The following DOCK2 variants were observed in gnomAD, a reference collection of about 807,000 sequenced individuals.
DOCK2 encodes dedicator of cytokinesis 2, also known as dedicator of cytokinesis protein 2.
In DOCK2, 87 loss-of-function variants were observed where a neutral mutation model predicts 248.9. That is an observed-to-expected ratio of 0.35 (90% CI 0.29 to 0.42). The LOEUF is 0.42. DOCK2 is among the 10% of genes least tolerant of loss of function. The pLI is 1.00. For missense variants in DOCK2, 1,747 were observed against 2,300.2 expected, an observed-to-expected ratio of 0.76 and a Z score of 4.92; for synonymous variants, 805 against 821.6, an observed-to-expected ratio of 0.98 and a Z score of 0.35.
chr5:169,710,437 GCTGTATAATGC>G (rs1446285672), intron 15 of DOCK2, among the ~76,000 whole-genome samples: 1 of 152,216 alleles, frequency 6.6e-6, no homozygotes, highest in African/African-American at 2.4e-5. Context: ...CCTATCACAG[GCTGTATAATGC>G]CTGAAAGATG....
chr5:169,997,891 C>A, intron 30 of DOCK2: 1 of 455,634 alleles, frequency 2.2e-6, no homozygotes, highest in Admixed American at 2.4e-5. Context: ...AGAAGCTGAG[C>A]AACTTCAGGC....
In DOCK2 at chr5:170,052,673, A is replaced by C. The variant is rs185251507; in HGVS notation, c.4213+2276A>C. 2.4e-3 allele frequency among the ~76,000 whole-genome samples: 370 copies of C among 152,344 alleles called. 1 individual carries two copies. The highest frequency in any genetic ancestry group is 8.5e-3 in the African/African-American group (354 of 41,586). Reference sequence around the variant, plus strand: ...TTGAACCCCATGATCTGTCTGTTTCAAAAACTATGTTCTAGTACATCATCC... The same window carrying C: ...TTGAACCCCATGATCTGTCTGTTTCCAAAACTATGTTCTAGTACATCATCC... On this transcript the variant is annotated intron_variant, in intron 41 of 51. Coordinates refer to ENST00000520908, the MANE Select transcript of DOCK2 (RefSeq NM_004946.3).
rs543803784 is a variant in DOCK2 at position 169,945,116 on chromosome 5, TTCTTTC to T, written c.2800-37947_2800-37942del. ...TTAGGGAACCGACTGTGGTTTCATT[TTCTTTC>T]TCTTGGCCCCAGAAGAATCCTCTGA... On this transcript the variant is annotated intron_variant, in intron 27 of 51. Transcript: ENST00000520908. Among the ~76,000 whole-genome samples the T allele has an allele frequency of 1.6e-4, 25 of 152,346 alleles. 1 individual carries two copies. The South Asian group carries it at 4.8e-3, about 29-fold the overall frequency.
intron 27 of DOCK2, among the ~76,000 whole-genome samples, chr5:169,879,610 A>C (rs1158846630): frequency 3.3e-5 from 5 of 152,242 alleles, no homozygotes; most frequent in Non-Finnish European, 1.5e-5. Flanking sequence ...AACTTAATTT[A>C]GAATGTTTGC....
intron 49 of DOCK2, 36 bp from the exon 50 acceptor site, chr5:170,080,127 T>G: frequency 8.1e-7 from 1 of 1,239,738 alleles, no homozygotes; most frequent in Non-Finnish European, 1.1e-6. Flanking sequence ...CCTCTGTCTT[T>G]GTGTGTGTGT....
At chr5:169,642,867 G>A (rs1757224230) in intron 1 of DOCK2, among the ~76,000 whole-genome samples, 1 of 152,164 alleles carries the variant, frequency 6.6e-6, no homozygotes, top group Non-Finnish European at 1.5e-5. Context: ...CCTGAGATCA[G>A]CATCCTATTG....
At chr5:169,749,966 G>T (rs1045966668) in intron 23 of DOCK2, among the ~76,000 whole-genome samples, 1 of 152,238 alleles carries the variant, frequency 6.6e-6, no homozygotes, top group African/African-American at 2.4e-5. Flanking sequence ...TGAGCTTCTA[G>T]TGAGTAGCCA....
chr5:169,701,294 T>C (rs1007671489), intron 13 of DOCK2, among the ~76,000 whole-genome samples: 8 of 152,232 alleles, frequency 5.3e-5, no homozygotes, highest in African/African-American at 1.9e-4. Context: ...ATTTTGTCTT[T>C]TGACAATGGT....
In DOCK2 at chr5:170,050,238, A is replaced by C. The variant is rs751892041; in HGVS notation, c.4072-18A>C. The C allele has an allele frequency of 1.2e-6, 2 of 1,612,634 alleles. No individual in the cohort carries two copies. The highest frequency in any genetic ancestry group is 1.7e-6 in the Non-Finnish European group (2 of 1,179,184). On this transcript the variant is annotated intron_variant, in intron 40 of 51. Transcript: ENST00000520908. ...CACCTGGGTCCCCAAATCTCTAATGAGCATCCTTTCTCTGCAGAACAAAGT... is the reference window on the plus strand; with the variant it reads ...CACCTGGGTCCCCAAATCTCTAATGCGCATCCTTTCTCTGCAGAACAAAGT...
intron 48 of DOCK2, 53 bp downstream of exon 48, chr5:170,077,890 T>TC (rs1438294363): frequency 3.5e-6 from 5 of 1,418,654 alleles, no homozygotes; most frequent in African/African-American, 1.4e-5. Flanking sequence ...CCTGGCTCTA[T>TC]CCCCCCTCCT....
rs142632030 is a variant in DOCK2, at chr5:169,903,311, TAAAAAA to T, written c.2799+62472_2799+62477del. Among the ~76,000 whole-genome samples the T allele has an allele frequency of 1.5e-3, 166 of 111,056 alleles. 1 individual carries two copies. The highest frequency in any genetic ancestry group is 0.014 in the Middle Eastern group (3 of 218). The allele number at this position is 111,056 out of a possible 152,430, so 72.9% of individuals were successfully genotyped here. A position where few individuals can be genotyped will look rare whatever the true frequency, so the allele number is the denominator to read the frequency against. ...CTCTAAAAAACAACAACAACAACAA[TAAAAAA>T]AAAAAAAAAAAAGGAAAAGGAAAAA... On this transcript the variant is annotated intron_variant, in intron 27 of 51. Coordinates refer to ENST00000520908, the MANE Select transcript of DOCK2 (RefSeq NM_004946.3).
At chr5:169,818,407 A>G (rs1036198396) in intron 26 of DOCK2, among the ~76,000 whole-genome samples, 1 of 152,236 alleles carries the variant, frequency 6.6e-6, no homozygotes. Flanking sequence ...TCTAGTTGAA[A>G]GATGATGGAC....
chr5:169,875,265 C>T (rs1217719544), intron 27 of DOCK2: 2 of 456,632 alleles, frequency 4.4e-6, no homozygotes, highest in East Asian at 6.9e-5. Flanking sequence ...CTCCACCCCA[C>T]ACTCTCTGAT....
intron 27 of DOCK2, chr5:169,875,762 G>A (rs1163013797): frequency 6.5e-6 from 1 of 153,164 alleles, no homozygotes; most frequent in Non-Finnish European, 1.5e-5. Context: ...CTCGGTAAGT[G>A]GTAGCTCTCT....
Position 169,785,833 on chromosome 5 carries a change from T to G in DOCK2, c.2555-17225T>G, listed in dbSNP as rs142343887. Among the ~76,000 whole-genome samples the G allele has an allele frequency of 6.7e-3, 1,022 of 152,266 alleles. 8 individuals are homozygous for G. Among genetic ancestry groups the G allele is most frequent in the Admixed American group, 0.013 (199 of 15,292 alleles). ...TGGCCATTAGTGTTTTTTTGTGGAA[T>G]GCTCCTTCATTGGAAAATTTATTCT... On this transcript the variant is annotated intron_variant, in intron 25 of 51. Transcript: ENST00000520908.
chr5:169,996,655 C>G lies in DOCK2; in HGVS notation c.3072+491C>G, dbSNP rs147908172. Among the ~76,000 whole-genome samples, 12 of 152,286 alleles carry G rather than the reference C, an allele frequency of 7.9e-5. 1 individual carries two copies. In the East Asian group the frequency reaches 2.3e-3, roughly 29 times the overall value. On this transcript the variant is annotated intron_variant, in intron 30 of 51. Transcript: ENST00000520908. ...CCTAAAAGTATGTGCCTGGGGCAAACAGAATGACACACCTGCCCCAGGTCC... is the reference window on the plus strand; with the variant it reads ...CCTAAAAGTATGTGCCTGGGGCAAAGAGAATGACACACCTGCCCCAGGTCC...
chr5:169,725,048 A>T (rs1762401821), intron 22 of DOCK2, among the ~76,000 whole-genome samples: 1 of 152,236 alleles, frequency 6.6e-6, no homozygotes, highest in South Asian at 2.1e-4. Context: ...ATGAATAAAT[A>T]TTAAAATGTA....
At chr5:169,780,242 C>T (rs1473258277) in intron 25 of DOCK2, among the ~76,000 whole-genome samples, 2 of 151,352 alleles carry the variant, frequency 1.3e-5, no homozygotes, top group Non-Finnish European at 2.9e-5. Flanking sequence ...TGAGGAGGGA[C>T]GGAGTCAGCT....
intron 1 of DOCK2, among the ~76,000 whole-genome samples, chr5:169,647,310 G>A (rs1002914240): frequency 1.3e-5 from 2 of 152,100 alleles, no homozygotes; most frequent in Admixed American, 1.3e-4. Flanking sequence ...TGGATGGGTG[G>A]GTAGATGGAT....
Sources: gnomAD v4.1 joint callset for allele counts (sites outside exome capture counted in the v4.1 genomes callset) on GRCh38, gnomAD v4.1.1 for gene constraint, MANE v1.5 for transcripts, NCBI Gene and HGNC (gene_info 2026-07-23, HGNC 2026-07-21) for gene names.